Variants in PPP4R3A observed in about 807,000 individuals in gnomAD.
PPP4R3A encodes the protein serine/threonine-protein phosphatase 4 regulatory subunit 3A.
Under a neutral mutation model 91.7 loss-of-function variants are expected in PPP4R3A, and 15 were observed. That is an observed-to-expected ratio of 0.16 (90% CI 0.11 to 0.25). PPP4R3A has a LOEUF of 0.25. Among genes scored for constraint, PPP4R3A ranks in the 10% least tolerant of loss-of-function variants. The pLI, the probability that PPP4R3A is intolerant of heterozygous loss-of-function variation, is 1.00. For missense variants in PPP4R3A, 623 were observed against 998.4 expected (o/e 0.62, Z 5.07); for synonymous variants, 377 against 348.7 (o/e 1.08, Z -0.91).
Position 91,473,293 on chromosome 14 carries a change from A to T in PPP4R3A, c.1344T>A (p.Leu448=). 1 of 1,614,098 alleles carries T rather than the reference A, an allele frequency of 6.2e-7. No individual in the cohort carries two copies. The highest frequency in any genetic ancestry group is 2.2e-5 in the East Asian group (1 of 44,882). ...TDPELGGAVQ[L]MGLLRTLVDP... ...CAACTAAAGTTCGAAGCAGGCCCAT[A>T]AGCTGGACTGCTCCTCCAAGTTCAG... Residue 448 remains leucine (L), a synonymous_variant, in exon 8 of 15, where the codon CTT becomes CTA. Coordinates refer to ENST00000554943, the MANE Select transcript of PPP4R3A (RefSeq NM_001366432.2).
chr14:91,496,912 A>C (rs1890607188), intron 1 of PPP4R3A, among the ~76,000 whole-genome samples: 1 of 151,368 alleles, frequency 6.6e-6, no homozygotes, highest in Admixed American at 6.6e-5. Flanking sequence ...TAAACACTAA[A>C]CCAATCAACT....
chr14:91,467,966 A>C (rs1888579700), intron 10 of PPP4R3A, among the ~76,000 whole-genome samples: 2 of 152,362 alleles, frequency 1.3e-5, no homozygotes, highest in South Asian at 4.1e-4. Flanking sequence ...CAAGTATCTT[A>C]AATTTCCTCA....
chr14:91,494,470 ATGAATT>A (rs1357022948), intron 1 of PPP4R3A, among the ~76,000 whole-genome samples: 2 of 152,252 alleles, frequency 1.3e-5, no homozygotes, highest in South Asian at 4.1e-4. Context: ...AATGTGGGCA[ATGAATT>A]TGAATAGAAA....
At chr14:91,509,451 G>A (rs1891635828) in intron 1 of PPP4R3A, 55 bp downstream of exon 1, 3 of 1,538,840 alleles carry the variant, frequency 1.9e-6, no homozygotes, top group East Asian at 2.4e-5. Flanking sequence ...GAACCAGGGA[G>A]GCGGCCCAGG....
chr14:91,479,005 C>A (rs779794093), intron 4 of PPP4R3A, among the ~76,000 whole-genome samples: 1 of 152,160 alleles, frequency 6.6e-6, no homozygotes, highest in African/African-American at 2.4e-5. Context: ...CCTCTGCCTA[C>A]CAGGTGCAAA....
In PPP4R3A at chr14:91,489,882, C is replaced by T. The variant is rs141265128; in HGVS notation, c.198+865G>A. On this transcript the variant is annotated intron_variant, in intron 2 of 14. Transcript: ENST00000554943. ...ATATTTAGGAGTTGACACCAGCATT[C>T]CTAACCACTATTTGTGTGGTCAAAC... Among the ~76,000 whole-genome samples, 181 of 152,338 alleles carry T rather than the reference C, an allele frequency of 1.2e-3. No homozygotes were observed. In the Middle Eastern group the frequency reaches 0.014, roughly 11 times the overall value.
chr14:91,473,263 T>C lies in PPP4R3A; in HGVS notation c.1374A>G (p.Pro458=). ...LMGLLRTLVD[P]ENMLATANKT... ...CATTGGCAGTGGCTAGCATGTTCTC[T>C]GGGTCAACTAAAGTTCGAAGCAGGC... The change falls in exon 8 of 15, where the codon CCA becomes CCG. Residue 458 remains proline, a synonymous_variant. Transcript: ENST00000554943. 5 of 1,613,942 alleles carry C rather than the reference T, an allele frequency of 3.1e-6. No homozygotes were observed. The highest frequency in any genetic ancestry group is 4.2e-6 in the Non-Finnish European group (5 of 1,179,940).
intron 9 of PPP4R3A, among the ~76,000 whole-genome samples, chr14:91,471,411 C>T (rs1888822087): frequency 1.3e-5 from 2 of 152,184 alleles, no homozygotes; most frequent in Admixed American, 6.5e-5. Context: ...TACTCTCTCT[C>T]CCTGTTCCCT....
chr14:91,485,748 G>C lies in PPP4R3A; in HGVS notation c.199-18C>G. 1 of 1,525,890 alleles carries C rather than the reference G, an allele frequency of 6.6e-7. No individual in the cohort carries two copies. The highest frequency in any genetic ancestry group is 8.9e-7 in the Non-Finnish European group (1 of 1,118,576). 94.5% of individuals were successfully genotyped at this position (1,525,890 alleles called of 1,614,324 possible). A position where few individuals can be genotyped will look rare whatever the true frequency, so the allele number is the denominator to read the frequency against. On this transcript the variant is annotated intron_variant, in intron 2 of 14. Transcript: ENST00000554943. ...AGAGTGTCCTTTGGAGACATAAAAG[G>C]AGTCTGAATGATTAACATACACTAT...
In PPP4R3A at chr14:91,462,117, G is replaced by A. The variant is rs1888195685; in HGVS notation, c.2096C>T (p.Pro699Leu). Residue 699 changes from proline to leucine, a missense_variant, in exon 13 of 15, where the codon CCA (proline) becomes CTA (leucine). Transcript: ENST00000554943. ...ATCATCATTTTTAGTTTTGTCAGAT[G>A]GAGACACTACAGCTTCTCCATCTTC... Reference protein sequence around the residue: ...DMEDGEAVVSPSDKTKNDDDI... With the variant: ...DMEDGEAVVSLSDKTKNDDDI... The A allele has an allele frequency of 4.4e-6, 7 of 1,589,568 alleles. No individual in the cohort carries two copies. Among genetic ancestry groups the A allele is most frequent in the East Asian group, 2.3e-5 (1 of 42,982 alleles).
chr14:91,476,613 T>C, intron 5 of PPP4R3A, 89 bp from the exon 6 acceptor site: 1 of 912,132 alleles, frequency 1.1e-6, no homozygotes, highest in Non-Finnish European at 1.7e-6. Context: ...TTGCCGACGC[T>C]GGAGTGCAAT....
rs756021186 is a variant in PPP4R3A at position 91,481,834 on chromosome 14, G to T, written c.657C>A (p.Asp219Glu). ...EVMFSEECIM[D>E]VIGCLEYDPA... ...GATCATATTCTAAACATCCAATGAC[G>T]TCCATTATACATTCTTCAGAGAACA... The change falls in exon 4 of 15, where the codon GAC becomes GAA. Residue 219 changes from aspartate (D) to glutamate (E), a missense_variant. Physicochemically the swap from Asp to Glu is conservative, Grantham distance 45. This residue lies in a region of PPP4R3A where 264 missense variants were observed against 377.3 expected (regional missense o/e 0.70). Transcript: ENST00000554943. 2 of 1,614,084 alleles carry T rather than the reference G, an allele frequency of 1.2e-6. No individual in the cohort carries two copies. The highest frequency in any genetic ancestry group is 8.5e-7 in the Non-Finnish European group (1 of 1,180,012).
intron 1 of PPP4R3A, 134 bp downstream of exon 1, chr14:91,509,371 TC>T: frequency 7.8e-7 from 1 of 1,276,616 alleles, no homozygotes; most frequent in Non-Finnish European, 1.1e-6. Flanking sequence ...CTGGGGCCCG[TC>T]CTCCCCCGAG....
intron 4 of PPP4R3A, 122 bp from the exon 5 acceptor site, chr14:91,477,108 G>GTA: frequency 7.5e-5 from 30 of 400,104 alleles, no homozygotes; most frequent in East Asian, 1.1e-4. Flanking sequence ...TGGCAATGCT[G>GTA]TCTTTTTTTT....
At chr14:91,503,063 T>C (rs1380897691) in intron 1 of PPP4R3A, among the ~76,000 whole-genome samples, 2 of 152,160 alleles carry the variant, frequency 1.3e-5, no homozygotes, top group Non-Finnish European at 2.9e-5. Flanking sequence ...CCAAAGTTCA[T>C]GGCAGCCTCA....
chr14:91,503,780 G>C (rs1891108620), intron 1 of PPP4R3A, among the ~76,000 whole-genome samples: 1 of 152,150 alleles, frequency 6.6e-6, no homozygotes, highest in South Asian at 2.1e-4. Flanking sequence ...CAAAGGGAGA[G>C]CATAAGCAAG....
At position 91,509,668 on chromosome 14, in the gene PPP4R3A, GC is replaced by G; in HGVS notation, c.-22del. 6.3e-7 allele frequency: 1 copy of G among 1,588,898 alleles called. No individual in the cohort carries two copies. The highest frequency in any genetic ancestry group is 8.5e-7 in the Non-Finnish European group (1 of 1,174,812). On this transcript the variant is annotated 5_prime_UTR_variant, in exon 1 of 15. Transcript: ENST00000554943. ...GTCATCGTGCCGCCCGGGAACCGGG[GC>G]GGGGGCCCCGCCAGTAGACGCCCAG...
intron 10 of PPP4R3A, 77 bp from the exon 11 acceptor site, chr14:91,465,496 T>A: frequency 1.5e-6 from 2 of 1,352,864 alleles, no homozygotes; most frequent in Non-Finnish European, 2.0e-6. Context: ...AAAATAACCA[T>A]CAAACCAAAA....
chr14:91,508,587 A>G (rs1891557009), intron 1 of PPP4R3A, among the ~76,000 whole-genome samples: 1 of 152,244 alleles, frequency 6.6e-6, no homozygotes, highest in South Asian at 2.1e-4. Context: ...AATTCACTGT[A>G]TATCGCCAAA....
Sources: allele counts gnomAD v4.1 joint callset (sites outside exome capture counted in the v4.1 genomes callset), GRCh38; gene constraint gnomAD v4.1.1; regional missense constraint gnomAD v4.1.1; transcripts MANE v1.5; gene names NCBI Gene and HGNC (gene_info 2026-07-23, HGNC 2026-07-21).